The following NSMAF variants were observed in gnomAD, a reference collection of about 807,000 sequenced individuals.
NSMAF encodes neutral sphingomyelinase activation associated factor, also known as protein FAN.
In NSMAF, 90 loss-of-function variants were observed where a neutral mutation model predicts 134.9. That is an observed-to-expected ratio of 0.67 (90% CI 0.56 to 0.79). NSMAF has a LOEUF of 0.79. Ranked by LOEUF, NSMAF falls within the 30% of genes least tolerant of loss-of-function variation. The pLI is 0.00. For missense variants in NSMAF, 1,010 were observed against 1,119.0 expected (o/e 0.90, Z 1.39); for synonymous variants, 358 against 389.6 (o/e 0.92, Z 0.96).
Position 58,598,503 on chromosome 8 carries a change from A to G in NSMAF, c.1586-601T>C, listed in dbSNP as rs1179795639. 2.2e-4 allele frequency among the ~76,000 whole-genome samples: 10 copies of G among 45,004 alleles called. No individual in the cohort carries two copies. In the Admixed American group the frequency reaches 2.7e-3, roughly 12 times the overall value. 29.5% of individuals were successfully genotyped at this position (45,004 alleles called of 152,430 possible). On this transcript the variant is annotated intron_variant, in intron 19 of 30. Transcript: ENST00000038176. Reference sequence around the variant, plus strand: ...CTCTGTCTCAAACAAAAAAAAAAAAAAAAAAAAAGAAAAAAAAAAGAAAAG... The same window carrying G: ...CTCTGTCTCAAACAAAAAAAAAAAAGAAAAAAAAGAAAAAAAAAAGAAAAG...
At chr8:58,659,077 T>A in intron 1 of NSMAF, 1 of 733,316 alleles carries the variant, frequency 1.4e-6, no homozygotes, top group Non-Finnish European at 2.0e-6. Flanking sequence ...TGCGAGTGGG[T>A]GGTCGCCGGC....
chr8:58,609,265 G>A (rs1331179609), intron 10 of NSMAF, among the ~76,000 whole-genome samples: 4 of 152,176 alleles, frequency 2.6e-5, no homozygotes, highest in Non-Finnish European at 5.9e-5. Context: ...ATTAATCATA[G>A]TATATTTCAC....
rs1420912766 is a variant in NSMAF, at chr8:58,587,631, T to G, written c.2282A>C (p.Glu761Ala). ...GCTGGTACTCACACTGACATCATGT[T>G]CCAGCTCGGCCAGCAAGTCAAAGTG... ...RHHFDLLAEL[E>A]HDVSVDTISL... Residue 761 changes from glutamate (E) to alanine (A), a missense_variant, in exon 27 of 31, where the codon GAA becomes GCA. Coordinates refer to ENST00000038176, the MANE Select transcript of NSMAF (RefSeq NM_003580.4). 1 of 1,614,140 alleles carries G rather than the reference T, an allele frequency of 6.2e-7. No homozygotes were observed. Among genetic ancestry groups the G allele is most frequent in the Admixed American group, 1.7e-5 (1 of 60,024 alleles).
intron 5 of NSMAF, among the ~76,000 whole-genome samples, chr8:58,633,577 G>A (rs1453768956): frequency 6.6e-6 from 1 of 152,162 alleles, no homozygotes; most frequent in Non-Finnish European, 1.5e-5. Context: ...TAAAGTCCAT[G>A]GAGCAAAAGG....
Position 58,583,923 on chromosome 8 carries a change from AAG to A in NSMAF, c.*181_*182del. 3.3e-6 allele frequency: 2 copies of A among 605,512 alleles called. No individual in the cohort carries two copies. Among genetic ancestry groups the A allele is most frequent in the Non-Finnish European group, 2.9e-6 (1 of 339,238 alleles). The allele number at this position is 605,512 out of a possible 1,614,324, so 37.5% of individuals were successfully genotyped here. A position where few individuals can be genotyped will look rare whatever the true frequency, so the allele number is the denominator to read the frequency against. On this transcript the variant is annotated 3_prime_UTR_variant, in exon 31 of 31. Transcript: ENST00000038176. ...AACACAGCCGCATTTTATCTGCCCTAAGAGAATAGCAACTAATGGCTTTCAAT... is the reference window on the plus strand; with the variant it reads ...AACACAGCCGCATTTTATCTGCCCTAAGAATAGCAACTAATGGCTTTCAAT...
intron 2 of NSMAF, among the ~76,000 whole-genome samples, chr8:58,638,128 CA>C (rs1251420815): frequency 6.6e-6 from 1 of 152,192 alleles, no homozygotes; most frequent in African/African-American, 2.4e-5. Flanking sequence ...TAGCTCACTG[CA>C]GCCTCAAAAT....
intron 10 of NSMAF, 85 bp downstream of exon 10, chr8:58,609,519 A>T: frequency 7.0e-7 from 1 of 1,423,724 alleles, no homozygotes. Context: ...CTCATCAAAA[A>T]GTGAGGTCCC....
At chr8:58,657,627 A>G (rs1807748684) in intron 1 of NSMAF, among the ~76,000 whole-genome samples, 1 of 152,228 alleles carries the variant, frequency 6.6e-6, no homozygotes, top group African/African-American at 2.4e-5. Context: ...CTGATGTGAG[A>G]CAGATTCCTG....
At chr8:58,614,724 C>A (rs1440858460) in intron 9 of NSMAF, among the ~76,000 whole-genome samples, 1 of 152,160 alleles carries the variant, frequency 6.6e-6, no homozygotes, top group East Asian at 1.9e-4. Context: ...GGGCCTGGTG[C>A]ATTCAATAAA....
Position 58,599,792 on chromosome 8 carries a change from C to T in NSMAF, c.1411G>A (p.Gly471Arg), listed in dbSNP as rs1379079602. 2.5e-6 allele frequency: 4 copies of T among 1,613,980 alleles called. No individual in the cohort carries two copies. The highest frequency in any genetic ancestry group is 1.7e-5 in the Admixed American group (1 of 60,000). Residue 471 changes from glycine to arginine, a missense_variant, in exon 18 of 31, where the codon GGA (glycine) becomes AGA (arginine). Gly to Arg is a moderately radical substitution (Grantham distance 125). Coordinates refer to ENST00000038176, the MANE Select transcript of NSMAF (RefSeq NM_003580.4). ...LKLDLGKRQG[G>R]QMVDDVELPP... ...AGCTCCACGTCGTCAACCATCTGTC[C>T]TCCTTGTCTCTTTCCCAAATCCAAC...
At chr8:58,642,147 A>G (rs10113323) in intron 2 of NSMAF, among the ~76,000 whole-genome samples, 41,435 of 152,134 alleles carry the variant, frequency 0.27, 5,948 homozygotes, top group Non-Finnish European at 0.31. Flanking sequence ...TTTAGCTTGT[A>G]TTTAAACAAA....
Position 58,605,913 on chromosome 8 carries a change from G to A in NSMAF, c.868+14C>T. 1 of 1,543,022 alleles carries A rather than the reference G, an allele frequency of 6.5e-7. No homozygotes were observed. On this transcript the variant is annotated intron_variant, in intron 12 of 30. Coordinates refer to ENST00000038176, the MANE Select transcript of NSMAF (RefSeq NM_003580.4). Reference sequence around the variant, plus strand: ...AAAAAAAAAGAAAGAAACAATGAAGGGTGAGCGCCAAACCTAGGTATGTGG... The same window carrying A: ...AAAAAAAAAGAAAGAAACAATGAAGAGTGAGCGCCAAACCTAGGTATGTGG...
chr8:58,595,412 T>C (rs1806115122), intron 22 of NSMAF, 148 bp downstream of exon 22: 1 of 589,186 alleles, frequency 1.7e-6, no homozygotes, highest in South Asian at 1.9e-5. Flanking sequence ...GAGATCACTA[T>C]AGACATTTTG....
chr8:58,609,509 C>T, intron 10 of NSMAF, 95 bp downstream of exon 10: 8 of 1,302,436 alleles, frequency 6.1e-6, no homozygotes, highest in East Asian at 2.3e-5. Flanking sequence ...TGACTTGATC[C>T]TCATCAAAAA....
intron 23 of NSMAF, among the ~76,000 whole-genome samples, chr8:58,591,732 C>T (rs1198549950): frequency 1.3e-5 from 2 of 152,016 alleles, no homozygotes; most frequent in African/African-American, 2.4e-5. Flanking sequence ...AGTGATCCGC[C>T]CCCTTCGGCC....
At chr8:58,639,314 A>G (rs1173430309) in intron 2 of NSMAF, among the ~76,000 whole-genome samples, 1 of 151,942 alleles carries the variant, frequency 6.6e-6, no homozygotes, top group Non-Finnish European at 1.5e-5. Context: ...AAGAAGAAGA[A>G]GAAGAAGACA....
intron 17 of NSMAF, 38 bp from the exon 18 acceptor site, chr8:58,599,908 CA>C (rs1806237248): frequency 6.2e-7 from 1 of 1,613,164 alleles, no homozygotes; most frequent in Non-Finnish European, 8.5e-7. Flanking sequence ...GAACAACAAA[CA>C]TGTTTTAAAG....
intron 2 of NSMAF, among the ~76,000 whole-genome samples, chr8:58,637,571 A>T (rs1257271786): frequency 6.6e-6 from 1 of 152,254 alleles, no homozygotes; most frequent in East Asian, 1.9e-4. Context: ...AGCAAATAAC[A>T]TGATTTTATA....
At chr8:58,607,522 C>T (rs545913145) in intron 11 of NSMAF, among the ~76,000 whole-genome samples, 2 of 152,368 alleles carry the variant, frequency 1.3e-5, no homozygotes, top group South Asian at 2.1e-4. Flanking sequence ...AACTCAAGGG[C>T]ACTCTAGCCC....
Sources: allele counts gnomAD v4.1 joint callset (sites outside exome capture counted in the v4.1 genomes callset), GRCh38; gene constraint gnomAD v4.1.1; transcripts MANE v1.5; gene names NCBI Gene and HGNC (gene_info 2026-07-23, HGNC 2026-07-21).